Variants in TRAF3IP1 observed in about 807,000 individuals in gnomAD.
TRAF3IP1 encodes the protein TRAF3-interacting protein 1.
Under a neutral mutation model 89.9 loss-of-function variants are expected in TRAF3IP1, and 53 were observed. That is an observed-to-expected ratio of 0.59 (90% confidence interval 0.47 to 0.74). The LOEUF is 0.74. Among genes scored for constraint, TRAF3IP1 ranks in the 30% least tolerant of loss-of-function variants. The pLI is 0.00. For synonymous variants in TRAF3IP1, 311 were observed against 322.1 expected (o/e 0.97, Z 0.37); for missense variants, 806 against 866.1 (o/e 0.93, Z 0.87).
intron 15 of TRAF3IP1, among the ~76,000 whole-genome samples, chr2:238,364,334 CCTGA>C (rs1699783957): frequency 6.6e-6 from 1 of 151,846 alleles, no homozygotes. Context: ...TCTTCATTAT[CCTGA>C]CTTTTTTGCT....
At chr2:238,350,171 T>A (rs962007974) in intron 12 of TRAF3IP1, among the ~76,000 whole-genome samples, 5 of 149,078 alleles carry the variant, frequency 3.4e-5, no homozygotes, top group Non-Finnish European at 7.4e-5. Flanking sequence ...GAGGCAGGAG[T>A]AGATGTGTTT....
chr2:238,326,115 C>T (rs188516050), intron 3 of TRAF3IP1, 145 bp downstream of exon 3: 1 of 696,534 alleles, frequency 1.4e-6, no homozygotes, highest in African/African-American at 1.8e-5. Flanking sequence ...TGATCCCACC[C>T]CTTCTGGAGC....
At chr2:238,364,386 A>C (rs570672572) in intron 15 of TRAF3IP1, among the ~76,000 whole-genome samples, 2 of 144,690 alleles carry the variant, frequency 1.4e-5, no homozygotes, top group Admixed American at 7.1e-5. Flanking sequence ...GTTAATAGTA[A>C]GATATTAGCT....
At chr2:238,366,978 A>G (rs747381877) in intron 15 of TRAF3IP1, among the ~76,000 whole-genome samples, 7 of 151,964 alleles carry the variant, frequency 4.6e-5, no homozygotes, top group Non-Finnish European at 7.4e-5. Context: ...CCTGGCTAAC[A>G]AGGTGAAACC....
intron 15 of TRAF3IP1, among the ~76,000 whole-genome samples, chr2:238,391,763 T>G (rs967554002): frequency 1.6e-4 from 25 of 152,178 alleles, no homozygotes; most frequent in African/African-American, 6.0e-4. Context: ...TGTAAGATAT[T>G]TGTTTATATT....
chr2:238,384,380 G>GTGTA (rs1553619339), intron 15 of TRAF3IP1, among the ~76,000 whole-genome samples: 1 of 143,238 alleles, frequency 7.0e-6, no homozygotes, highest in Non-Finnish European at 1.5e-5. Flanking sequence ...ATGTATGTAT[G>GTGTA]TATATATATA....
chr2:238,358,443 C>G (rs1416272342), intron 15 of TRAF3IP1, among the ~76,000 whole-genome samples: 4 of 152,090 alleles, frequency 2.6e-5, no homozygotes, highest in Non-Finnish European at 5.9e-5. Flanking sequence ...GGCTGAAGCA[C>G]AAGAATCGCT....
At chr2:238,354,179 G>A (rs1699301631) in intron 14 of TRAF3IP1, among the ~76,000 whole-genome samples, 1 of 152,164 alleles carries the variant, frequency 6.6e-6, no homozygotes, top group African/African-American at 2.4e-5. Flanking sequence ...GCCTATTGGA[G>A]TTATTTTCTG....
At chr2:238,342,403 G>T (rs1052835109) in intron 8 of TRAF3IP1, among the ~76,000 whole-genome samples, 13 of 151,980 alleles carry the variant, frequency 8.6e-5, no homozygotes, top group Non-Finnish European at 1.5e-5. Context: ...TAATTAGTGA[G>T]CTATAGTCTG....
chr2:238,368,248 G>A (rs1699968353), intron 15 of TRAF3IP1, among the ~76,000 whole-genome samples: 1 of 152,166 alleles, frequency 6.6e-6, no homozygotes, highest in Non-Finnish European at 1.5e-5. Flanking sequence ...TGAAATGGAC[G>A]AAACAATGGC....
Position 238,387,195 on chromosome 2 carries a change from C to G in TRAF3IP1, c.1690-10264C>G, listed in dbSNP as rs72620842. Among the ~76,000 whole-genome samples, 268 of 152,322 alleles carry G rather than the reference C, an allele frequency of 1.8e-3. 6 individuals are homozygous for G. The East Asian group carries it at 0.043, about 25-fold the overall frequency. ...TACCCCAGATCTGTTGGGCCCCGGT[C>G]TGGGCAGTTAGCCCTCATCCTGTCC... On this transcript the variant is annotated intron_variant, in intron 15 of 16. Coordinates refer to ENST00000373327, the MANE Select transcript of TRAF3IP1 (RefSeq NM_015650.4).
intron 10 of TRAF3IP1, 82 bp downstream of exon 10, chr2:238,347,557 G>C (rs1038527093): frequency 7.1e-7 from 1 of 1,406,752 alleles, no homozygotes; most frequent in Non-Finnish European, 1.0e-6. Context: ...TCAGATTCAT[G>C]CTTTATAAAG....
At position 238,356,015 on chromosome 2, in the gene TRAF3IP1, A is replaced by G. The variant is rs746718215; in HGVS notation, c.1624A>G (p.Lys542Glu). Residue 542 changes from lysine (K) to glutamate (E), a missense_variant, in exon 15 of 17, where the codon AAA (lysine) becomes GAA (glutamate). Physicochemically the swap from Lys to Glu is moderately conservative, Grantham distance 56. Coordinates refer to ENST00000373327, the MANE Select transcript of TRAF3IP1 (RefSeq NM_015650.4). The stretch of plus-strand genomic sequence containing the variant: ...TGATTTTTCAACAGGTGGACTTGTG[A>G]AAAAAATTTTGGAGACGAAGAAAGA... ...EEEEKHGGLV[K>E]KILETKKDYE... 5 of 1,613,178 alleles carry G rather than the reference A, an allele frequency of 3.1e-6. No individual in the cohort carries two copies. The highest frequency in any genetic ancestry group is 4.2e-6 in the Non-Finnish European group (5 of 1,179,262).
chr2:238,331,811 TACTC>T (rs930391575), intron 5 of TRAF3IP1, among the ~76,000 whole-genome samples: 3 of 152,216 alleles, frequency 2.0e-5, no homozygotes, highest in African/African-American at 7.2e-5. Flanking sequence ...CCAGGGACCT[TACTC>T]ACATCTACGC....
chr2:238,346,678 T>C (rs909828312), intron 9 of TRAF3IP1, among the ~76,000 whole-genome samples: 2 of 152,236 alleles, frequency 1.3e-5, no homozygotes, highest in Admixed American at 6.5e-5. Context: ...TGTTCCTGTC[T>C]GAGGCGGGGC....
chr2:238,353,765 T>G (rs1407731909), intron 14 of TRAF3IP1, among the ~76,000 whole-genome samples: 1 of 152,078 alleles, frequency 6.6e-6, no homozygotes, highest in African/African-American at 2.4e-5. Context: ...TTTTTTGGTA[T>G]CTATATGAAG....
chr2:238,391,662 C>G (rs897229429), intron 15 of TRAF3IP1, among the ~76,000 whole-genome samples: 1 of 152,104 alleles, frequency 6.6e-6, no homozygotes, highest in Non-Finnish European at 1.5e-5. Flanking sequence ...ATTAGTGTTC[C>G]AAATTCTGCT....
At chr2:238,322,679 C>A (rs540880087) in intron 1 of TRAF3IP1, among the ~76,000 whole-genome samples, 5 of 134,050 alleles carry the variant, frequency 3.7e-5, no homozygotes, top group Non-Finnish European at 7.9e-5. Context: ...CAGAGTAAGA[C>A]CCTGTCTCAA....
At chr2:238,341,548 A>ATTTTT (rs1559364578) in intron 8 of TRAF3IP1, among the ~76,000 whole-genome samples, 1 of 126,248 alleles carries the variant, frequency 7.9e-6, no homozygotes, top group African/African-American at 3.5e-5. Context: ...TTTTTTTTTA[A>ATTTTT]AAAAAAAACA....
Sources: gnomAD v4.1 joint callset for allele counts (sites outside exome capture counted in the v4.1 genomes callset) on GRCh38, gnomAD v4.1.1 for gene constraint, MANE v1.5 for transcripts, NCBI Gene and HGNC (gene_info 2026-07-23, HGNC 2026-07-21) for gene names.